PTK2: variants seen among roughly 807,000 people sequenced by gnomAD.
PTK2 encodes the protein focal adhesion kinase 1.
A neutral mutation model predicts 150.1 loss-of-function variants in PTK2; 45 were observed. The ratio of observed to expected loss-of-function variants is 0.30; its 90% CI spans 0.24 to 0.38. The LOEUF (loss-of-function observed/expected upper bound fraction) is 0.38. Among genes scored for constraint, PTK2 ranks in the 10% least tolerant of loss-of-function variants. The pLI, the probability that PTK2 is intolerant of heterozygous loss-of-function variation, is 1.00. For missense variants in PTK2, 919 were observed against 1,307.3 expected, an observed-to-expected ratio of 0.70 and a Z score of 4.58; for synonymous variants, 432 against 449.2, an observed-to-expected ratio of 0.96 and a Z score of 0.48.
At chr8:140,735,521 G>C in intron 21 of PTK2, 66 bp from the exon 25 acceptor site, 1 of 1,531,338 alleles carries the variant, frequency 6.5e-7, no homozygotes, top group Non-Finnish European at 9.0e-7. Context: ...CAGGTTCCAG[G>C]AACATTGTTC....
At chr8:140,849,788 T>C (rs2100128007) in intron 5 of PTK2, among the ~76,000 whole-genome samples, 1 of 152,204 alleles carries the variant, frequency 6.6e-6, no homozygotes, top group Non-Finnish European at 1.5e-5. Context: ...CTATTATATA[T>C]AAAGATCAGA....
chr8:140,816,932 T>G (rs1028730282), intron 10 of PTK2, among the ~76,000 whole-genome samples: 1 of 152,148 alleles, frequency 6.6e-6, no homozygotes, highest in South Asian at 2.1e-4. Flanking sequence ...AACCCTGCAG[T>G]TCCATCCTTG....
chr8:140,782,254 T>TGGGGG (rs11375755), intron 14 of PTK2, among the ~76,000 whole-genome samples: 1 of 138,084 alleles, frequency 7.2e-6, no homozygotes, highest in African/African-American at 2.8e-5. Flanking sequence ...TTTTTTTTTT[T>TGGGGG]GGGGGGGGGG....
At chr8:140,724,157 G>A (rs1056002979) in intron 22 of PTK2, among the ~76,000 whole-genome samples, 94 of 152,342 alleles carry the variant, frequency 6.2e-4, no homozygotes, top group African/African-American at 2.2e-3. Context: ...CTTCTCTGGT[G>A]AGTTATGCAA....
chr8:140,903,365 T>A (rs2100159550), intron 2 of PTK2, among the ~76,000 whole-genome samples: 1 of 152,130 alleles, frequency 6.6e-6, no homozygotes. Context: ...TACCATAATA[T>A]CTGTTTTGGT....
chr8:140,840,062 C>CA (rs2100121374), intron 7 of PTK2, among the ~76,000 whole-genome samples: 1 of 152,118 alleles, frequency 6.6e-6, no homozygotes, highest in Admixed American at 6.5e-5. Flanking sequence ...GTCTGAGATA[C>CA]AAAAATGGTT....
intron 2 of PTK2, among the ~76,000 whole-genome samples, chr8:140,894,380 T>A (rs1383212180): frequency 6.6e-6 from 1 of 152,200 alleles, no homozygotes; most frequent in African/African-American, 2.4e-5. Context: ...TTTGTTACAA[T>A]CGTCCCAAGT....
intron 10 of PTK2, among the ~76,000 whole-genome samples, chr8:140,814,084 C>A (rs531969373): frequency 6.6e-6 from 1 of 152,262 alleles, no homozygotes; most frequent in East Asian, 1.9e-4. Flanking sequence ...GGCATATAAA[C>A]CCTCCCAAGA....
rs564247269 is a variant in PTK2 at position 140,898,042 on chromosome 8, T to C, written c.-32-7273A>G. ...AACCAAAAACTGTTTTTACGTGGCT[T>C]AGGCCAGTACTTTTCAAATCATCTG... On this transcript the variant is annotated intron_variant, in intron 2 of 31. Transcript: ENST00000522684. Among the ~76,000 whole-genome samples, 356 of 152,216 alleles carry C rather than the reference T, an allele frequency of 2.3e-3. 4 individuals are homozygous for C. Among genetic ancestry groups the C allele is most frequent in the African/African-American group, 8.3e-3 (344 of 41,458 alleles).
chr8:140,899,717 C>A (rs1049780463), intron 2 of PTK2, among the ~76,000 whole-genome samples: 2 of 152,096 alleles, frequency 1.3e-5, no homozygotes, highest in Admixed American at 1.3e-4. Flanking sequence ...TACTAGCAAA[C>A]TGAATTAAAC....
At chr8:140,861,008 A>G (rs1369840739) in intron 5 of PTK2, among the ~76,000 whole-genome samples, 1 of 152,230 alleles carries the variant, frequency 6.6e-6, no homozygotes, top group East Asian at 1.9e-4. Flanking sequence ...GAATAGAGAT[A>G]ATTTAAGTAA....
chr8:140,721,358 A>C (rs1288060359), intron 22 of PTK2, among the ~76,000 whole-genome samples: 1 of 152,210 alleles, frequency 6.6e-6, no homozygotes, highest in East Asian at 1.9e-4. Flanking sequence ...ACTGATATAC[A>C]ATGTCTTTGA....
intron 4 of PTK2, among the ~76,000 whole-genome samples, chr8:140,869,620 G>T (rs1385410009): frequency 6.6e-6 from 1 of 151,920 alleles, no homozygotes; most frequent in Non-Finnish European, 1.5e-5. Flanking sequence ...CAAAAGTCAG[G>T]ATATCAGTTA....
chr8:140,979,546 TG>T (rs1351032499), intron 1 of PTK2, among the ~76,000 whole-genome samples: 1 of 151,996 alleles, frequency 6.6e-6, no homozygotes, highest in Non-Finnish European at 1.5e-5. Context: ...ACCTCCAAAA[TG>T]ACAAAACTGA....
chr8:140,727,003 A>G (rs2100046248), intron 22 of PTK2, among the ~76,000 whole-genome samples: 1 of 152,254 alleles, frequency 6.6e-6, no homozygotes, highest in Non-Finnish European at 1.5e-5. Context: ...TATGAAGTAC[A>G]ATGATTAACT....
At chr8:140,806,577 A>G (rs2100098299) in intron 10 of PTK2, among the ~76,000 whole-genome samples, 1 of 152,132 alleles carries the variant, frequency 6.6e-6, no homozygotes, top group Admixed American at 6.5e-5. Context: ...ATATTTTTTA[A>G]AATTGTTTTT....
chr8:140,849,077 G>A (rs1161357820), intron 5 of PTK2, among the ~76,000 whole-genome samples: 1 of 152,212 alleles, frequency 6.6e-6, no homozygotes, highest in Non-Finnish European at 1.5e-5. Context: ...TCTCATTTAT[G>A]AGAATGAGTT....
intron 15 of PTK2, among the ~76,000 whole-genome samples, chr8:140,761,795 A>G (rs1390784287): frequency 6.6e-6 from 1 of 152,090 alleles, no homozygotes; most frequent in Non-Finnish European, 1.5e-5. Context: ...CATGGAGCTA[A>G]AAGAGTTTAA....
chr8:140,902,129 G>A (rs1191786501), intron 2 of PTK2, among the ~76,000 whole-genome samples: 2 of 151,756 alleles, frequency 1.3e-5, no homozygotes, highest in African/African-American at 2.4e-5. Flanking sequence ...TGACCCCCGG[G>A]TTCCAGTGAT....
Sources: allele counts gnomAD v4.1 joint callset (sites outside exome capture counted in the v4.1 genomes callset), GRCh38; gene constraint gnomAD v4.1.1; transcripts MANE v1.5; gene names NCBI Gene and HGNC (gene_info 2026-07-23, HGNC 2026-07-21).